Variants in THSD7B observed in about 807,000 individuals in gnomAD.
The protein encoded by THSD7B is thrombospondin type 1 domain containing 7B.
THSD7B carries 138 observed loss-of-function variants against 213.6 expected under a neutral mutation model. The observed-to-expected ratio is 0.65, with a 90% CI of 0.56 to 0.74. The LOEUF is 0.74. Ranked by LOEUF, THSD7B falls within the 30% of genes least tolerant of loss-of-function variation. The pLI is 0.00. For synonymous variants in THSD7B, 742 were observed against 687.0 expected (o/e 1.08, Z -1.25); for missense variants, 1,931 against 1,991.5 (o/e 0.97, Z 0.58).
At chr2:136,788,107 C>G (rs2104911732) in intron 1 of THSD7B, among the ~76,000 whole-genome samples, 1 of 152,236 alleles carries the variant, frequency 6.6e-6, no homozygotes, top group East Asian at 1.9e-4. Flanking sequence ...AAATTTCAAG[C>G]CTGTGTTCAG....
chr2:136,975,813 C>T (rs1307693786), intron 2 of THSD7B, among the ~76,000 whole-genome samples: 1 of 152,150 alleles, frequency 6.6e-6, no homozygotes, highest in African/African-American at 2.4e-5. Context: ...TCTTCCTATC[C>T]ATGAGCATAA....
In THSD7B at chr2:136,937,776, G is replaced by A. The variant is rs1192782506; in HGVS notation, c.139+55459G>A. ...AGACCTGCTTCTTAGATGTAGCGTG[G>A]GTACTTTGTGTTCAGAAAAAGCTAC... On this transcript the variant is annotated intron_variant, in intron 2 of 27. Coordinates refer to ENST00000409968, the MANE Select transcript of THSD7B (RefSeq NM_001316349.2). 2.0e-5 allele frequency among the ~76,000 whole-genome samples: 3 copies of A among 152,190 alleles called. No homozygotes were observed. The East Asian group carries it at 5.8e-4, about 29-fold the overall frequency.
intron 12 of THSD7B, among the ~76,000 whole-genome samples, chr2:137,322,402 A>G (rs1044494250): frequency 3.3e-5 from 5 of 152,226 alleles, no homozygotes; most frequent in Non-Finnish European, 7.3e-5. Flanking sequence ...TATAGCAATG[A>G]TAACAGCCAG....
intron 15 of THSD7B, among the ~76,000 whole-genome samples, chr2:137,505,020 G>A (rs558147589): frequency 6.6e-6 from 1 of 152,144 alleles, no homozygotes; most frequent in Non-Finnish European, 1.5e-5. Context: ...GAGGAAGGGA[G>A]GGAGAGAGGT....
intron 7 of THSD7B, among the ~76,000 whole-genome samples, chr2:137,217,514 C>G (rs1391686444): frequency 1.3e-5 from 2 of 152,218 alleles, no homozygotes; most frequent in East Asian, 3.9e-4. Context: ...TGAAATAACT[C>G]ACCTAGAGAC....
At chr2:137,013,890 G>A (rs1434964424) in intron 2 of THSD7B, among the ~76,000 whole-genome samples, 1 of 152,126 alleles carries the variant, frequency 6.6e-6, no homozygotes, top group Non-Finnish European at 1.5e-5. Flanking sequence ...ATAAGCCTGG[G>A]GTTTACGGGG....
Position 137,399,066 on chromosome 2 carries a change from G to A in THSD7B, c.2501-6547G>A, listed in dbSNP as rs572995047. ...CCCACTGACCTGCGCCCACTGTCTGGCACTCCCTAGTGAGATGAACCCGGT... is the reference window on the plus strand; with the variant it reads ...CCCACTGACCTGCGCCCACTGTCTGACACTCCCTAGTGAGATGAACCCGGT... On this transcript the variant is annotated intron_variant, in intron 12 of 27. Coordinates refer to ENST00000409968, the MANE Select transcript of THSD7B (RefSeq NM_001316349.2). 1.1e-3 allele frequency among the ~76,000 whole-genome samples: 166 copies of A among 152,026 alleles called. 1 individual carries two copies. Among genetic ancestry groups the A allele is most frequent in the African/African-American group, 3.8e-3 (157 of 41,486 alleles).
At chr2:136,785,655 C>T (rs1284637236) in intron 1 of THSD7B, among the ~76,000 whole-genome samples, 1 of 152,166 alleles carries the variant, frequency 6.6e-6, no homozygotes, top group Non-Finnish European at 1.5e-5. Flanking sequence ...TTTTCTGATT[C>T]TCTTACAGAC....
At chr2:137,070,331 T>C (rs540568725) in intron 3 of THSD7B, among the ~76,000 whole-genome samples, 2 of 152,048 alleles carry the variant, frequency 1.3e-5, no homozygotes, top group South Asian at 4.1e-4. Flanking sequence ...TGTGCAGCCA[T>C]AGTTTATTTG....
intron 2 of THSD7B, among the ~76,000 whole-genome samples, chr2:136,900,179 C>T (rs1414513312): frequency 6.6e-6 from 1 of 152,194 alleles, no homozygotes; most frequent in African/African-American, 2.4e-5. Context: ...TATACCCTTA[C>T]TTTGTGCCCC....
In THSD7B at chr2:137,623,948, C is replaced by T. The variant is rs184627339; in HGVS notation, c.3799+3222C>T. ...AATGCCATCCCTATCAAGCTACCAACGACTTTCTTCACAGAATTGGAAAAA... is the reference window on the plus strand; with the variant it reads ...AATGCCATCCCTATCAAGCTACCAATGACTTTCTTCACAGAATTGGAAAAA... On this transcript the variant is annotated intron_variant, in intron 20 of 27. Transcript: ENST00000409968. Among the ~76,000 whole-genome samples, 616 of 152,216 alleles carry T rather than the reference C, an allele frequency of 4.0e-3. 1 individual carries two copies. Among genetic ancestry groups the T allele is most frequent in the African/African-American group, 0.014 (570 of 41,552 alleles).
intron 1 of THSD7B, among the ~76,000 whole-genome samples, chr2:136,856,953 G>C (rs1480389504): frequency 6.6e-6 from 1 of 152,184 alleles, no homozygotes; most frequent in African/African-American, 2.4e-5. Flanking sequence ...CTTTTCTGAA[G>C]TTTAGTTAAT....
chr2:136,985,191 T>C lies in THSD7B; in HGVS notation c.140-71229T>C, dbSNP rs998030032. 2.6e-5 allele frequency among the ~76,000 whole-genome samples: 4 copies of C among 152,258 alleles called. No individual in the cohort carries two copies. The South Asian group carries it at 8.3e-4, about 32-fold the overall frequency. ...CCAAGCAGCCTATGGAGCAACTACT[T>C]GCTAGAGAGATTAGCAGGATTGGAA... On this transcript the variant is annotated intron_variant, in intron 2 of 27. Transcript: ENST00000409968.
chr2:137,659,112 T>C (rs1295188800), intron 24 of THSD7B, among the ~76,000 whole-genome samples: 1 of 152,212 alleles, frequency 6.6e-6, no homozygotes, highest in African/African-American at 2.4e-5. Flanking sequence ...CGGTGCTTGC[T>C]CTTAAGAATG....
intron 1 of THSD7B, among the ~76,000 whole-genome samples, chr2:136,879,937 C>A (rs1363446644): frequency 6.6e-6 from 1 of 152,048 alleles, no homozygotes; most frequent in Non-Finnish European, 1.5e-5. Flanking sequence ...TTATATGCAC[C>A]CAATATAGGA....
At chr2:137,316,371 G>T (rs963215675) in intron 12 of THSD7B, among the ~76,000 whole-genome samples, 1 of 152,196 alleles carries the variant, frequency 6.6e-6, no homozygotes, top group African/African-American at 2.4e-5. Context: ...TTTACTCCAG[G>T]TTTCCCTGAT....
intron 17 of THSD7B, among the ~76,000 whole-genome samples, chr2:137,587,399 G>C (rs926829290): frequency 3.9e-5 from 6 of 152,146 alleles, no homozygotes. Flanking sequence ...TCCTTTGGAG[G>C]GGGAGAGGCA....
chr2:137,660,431 A>T (rs1211900325), intron 25 of THSD7B, among the ~76,000 whole-genome samples: 4 of 152,200 alleles, frequency 2.6e-5, no homozygotes, highest in Admixed American at 6.5e-5. Flanking sequence ...TGATTTGATT[A>T]AAAATAATTC....
At chr2:137,392,874 A>G (rs1686067071) in intron 12 of THSD7B, among the ~76,000 whole-genome samples, 1 of 152,002 alleles carries the variant, frequency 6.6e-6, no homozygotes, top group South Asian at 2.1e-4. Flanking sequence ...TGTTGCCATT[A>G]GATTCCTTTC....
Sources: allele counts gnomAD v4.1 joint callset (sites outside exome capture counted in the v4.1 genomes callset), GRCh38; gene constraint gnomAD v4.1.1; transcripts MANE v1.5; gene names NCBI Gene and HGNC (gene_info 2026-07-23, HGNC 2026-07-21).